AP2A2: variants seen among roughly 807,000 people sequenced by gnomAD.
AP2A2 encodes AP-2 complex subunit alpha-2.
AP2A2 carries 32 observed loss-of-function variants against 104.2 expected under a neutral mutation model. That is an observed-to-expected ratio of 0.31 (90% CI 0.23 to 0.41). The LOEUF (loss-of-function observed/expected upper bound fraction) is 0.41. Ranked by LOEUF, AP2A2 falls within the 10% of genes least tolerant of loss-of-function variation. AP2A2 has a pLI of 1.00. For missense variants in AP2A2, 912 were observed against 1,261.0 expected (o/e 0.72, Z 4.19); for synonymous variants, 539 against 533.3 (o/e 1.01, Z -0.15).
In AP2A2 at chr11:988,269, T is replaced by C. The variant is rs115494779; in HGVS notation, c.1132-283T>C. Among the ~76,000 whole-genome samples, 1,356 of 151,832 alleles carry C rather than the reference T, an allele frequency of 8.9e-3. 26 individuals carry two copies. The highest frequency in any genetic ancestry group is 0.031 in the African/African-American group (1,302 of 41,386). ...CGCTCAGTCCTAGCGAAGCTGGCCC[T>C]TGTGGAGGGCAAGGGAGGCATGGAC... On this transcript the variant is annotated intron_variant, in intron 9 of 21. Coordinates refer to ENST00000448903, the MANE Select transcript of AP2A2 (RefSeq NM_012305.4).
Position 1,009,378 on chromosome 11 carries a change from CAG to C in AP2A2, c.2590_2591del (p.Glu864SerfsTer15). Reference sequence around the variant, plus strand: ...TTCAAAGCAAAGCACCCAATGGACACAGAAGTCACCAAAGCCAAGGTAACACG... The same window carrying C: ...TTCAAAGCAAAGCACCCAATGGACACAAGTCACCAAAGCCAAGGTAACACG... On this transcript the variant is annotated frameshift_variant, in exon 20 of 22. Transcript: ENST00000448903. LOFTEE classifies it high-confidence loss of function. The C allele has an allele frequency of 6.2e-7, 1 of 1,613,508 alleles. No individual in the cohort carries two copies. The highest frequency in any genetic ancestry group is 8.5e-7 in the Non-Finnish European group (1 of 1,179,724).
At chr11:979,864 G>T (rs184108647) in intron 5 of AP2A2, among the ~76,000 whole-genome samples, 1 of 152,152 alleles carries the variant, frequency 6.6e-6, no homozygotes. Flanking sequence ...CCGTGCCCAC[G>T]CAAGTAGACA....
intron 1 of AP2A2, among the ~76,000 whole-genome samples, chr11:927,414 C>T (rs1398288378): frequency 6.6e-6 from 1 of 151,610 alleles, no homozygotes; most frequent in Non-Finnish European, 1.5e-5. Flanking sequence ...CCTTTGAATT[C>T]TCATCTCCTT....
chr11:963,236 A>C (rs1332482270), intron 2 of AP2A2, among the ~76,000 whole-genome samples: 1 of 152,044 alleles, frequency 6.6e-6, no homozygotes, highest in East Asian at 1.9e-4. Flanking sequence ...GACCAGCCTG[A>C]CCAACATGGT....
rs528656716 is a variant in AP2A2 at position 972,273 on chromosome 11, G to T, written c.473+18G>T. Reference sequence around the variant, plus strand: ...GTAGCCGGGTATGTGCCGGGCTCGTGCCGGGCTCCTGCTGAAGATGTGCTG... The same window carrying T: ...GTAGCCGGGTATGTGCCGGGCTCGTTCCGGGCTCCTGCTGAAGATGTGCTG... On this transcript the variant is annotated intron_variant, in intron 4 of 21. Transcript: ENST00000448903. 2 of 1,555,768 alleles carry T rather than the reference G, an allele frequency of 1.3e-6. No individual in the cohort carries two copies. Among genetic ancestry groups the T allele is most frequent in the African/African-American group, 1.4e-5 (1 of 73,590 alleles).
intron 1 of AP2A2, among the ~76,000 whole-genome samples, chr11:926,369 C>T (rs1403400664): frequency 2.4e-4 from 16 of 67,284 alleles, no homozygotes; most frequent in African/African-American, 7.3e-4. Flanking sequence ...GAGCGGGGCC[C>T]TGGGTCTGGG....
chr11:957,441 CG>C lies in AP2A2; in HGVS notation c.68-1992del, dbSNP rs35357677. ...CCTATCTGTGCGGCGTTCCTTCCCC[CG>C]GGGTGTGGGGCAGGGCCCCTTCAGA... On this transcript the variant is annotated intron_variant, in intron 1 of 21. Coordinates refer to ENST00000448903, the MANE Select transcript of AP2A2 (RefSeq NM_012305.4). 1.3e-3 allele frequency among the ~76,000 whole-genome samples: 193 copies of C among 152,350 alleles called. No individual in the cohort carries two copies. In the Middle Eastern group the frequency reaches 0.02, roughly 16 times the overall value.
intron 1 of AP2A2, among the ~76,000 whole-genome samples, chr11:950,417 T>A (rs970318025): frequency 6.6e-6 from 1 of 151,890 alleles, no homozygotes; most frequent in Non-Finnish European, 1.5e-5. Context: ...CAAGAGATTC[T>A]TCTGCCTCAG....
chr11:989,241 C>T (rs1855565754), intron 10 of AP2A2, among the ~76,000 whole-genome samples: 3 of 152,000 alleles, frequency 2.0e-5, no homozygotes, highest in African/African-American at 4.8e-5. Flanking sequence ...GCAGGAGAAT[C>T]GCTTGAACCC....
chr11:940,316 A>G (rs1186657587), intron 1 of AP2A2, among the ~76,000 whole-genome samples: 2 of 152,092 alleles, frequency 1.3e-5, no homozygotes, highest in Non-Finnish European at 2.9e-5. Flanking sequence ...TCAATCTGGA[A>G]ACTTATGTCT....
chr11:947,571 G>A (rs1853891289), intron 1 of AP2A2, among the ~76,000 whole-genome samples: 2 of 151,958 alleles, frequency 1.3e-5, no homozygotes, highest in African/African-American at 2.4e-5. Context: ...CGAGGTGGGC[G>A]GATCACTTGA....
intron 4 of AP2A2, among the ~76,000 whole-genome samples, chr11:974,229 G>C (rs1049813753): frequency 6.6e-6 from 1 of 150,942 alleles, no homozygotes; most frequent in Non-Finnish European, 1.5e-5. Flanking sequence ...CCCATGAAGG[G>C]AGTGGGTGGC....
intron 16 of AP2A2, among the ~76,000 whole-genome samples, chr11:1,005,130 G>A (rs1435607987): frequency 6.6e-6 from 1 of 152,204 alleles, no homozygotes; most frequent in Non-Finnish European, 1.5e-5. Context: ...GTGGTCTGTC[G>A]ACGCAGTGGA....
At chr11:988,406 A>G in intron 9 of AP2A2, 146 bp from the exon 10 acceptor site, 1 of 1,030,176 alleles carries the variant, frequency 9.7e-7, no homozygotes, top group Non-Finnish European at 1.4e-6. Flanking sequence ...ACGTGGCCCG[A>G]GTGCAGGTCG....
chr11:995,239 G>C, intron 14 of AP2A2: 1 of 452,022 alleles, frequency 2.2e-6, no homozygotes, highest in South Asian at 1.6e-5. Context: ...CCTGCTCTTC[G>C]AGGTTTTATG....
intron 3 of AP2A2, 97 bp from the exon 4 acceptor site, chr11:971,965 T>C: frequency 8.0e-7 from 1 of 1,256,316 alleles, no homozygotes. Flanking sequence ...CCTGGGCTGC[T>C]TCCGCATCTG....
Position 1,009,781 on chromosome 11 carries a change from A to T in AP2A2, c.2706A>T (p.Gly902=), listed in dbSNP as rs1856359266. 4 of 1,550,218 alleles carry T rather than the reference A, an allele frequency of 2.6e-6. No individual in the cohort carries two copies. In the South Asian group the frequency reaches 4.8e-5, roughly 18 times the overall value. ...GIIHTKTTQI[G]CLLRLEPNLQ... ...TCCACACGAAAACCACCCAGATTGG[A>T]TGCCTGCTGCGCTTGGAGCCGAACC... The change falls in exon 21 of 22, where the codon GGA becomes GGT. Residue 902 remains glycine (G), a synonymous_variant. Coordinates refer to ENST00000448903, the MANE Select transcript of AP2A2 (RefSeq NM_012305.4).
chr11:993,657 A>C lies in AP2A2; in HGVS notation c.1551-97A>C. 1 of 924,416 alleles carries C rather than the reference A, an allele frequency of 1.1e-6. No individual in the cohort carries two copies. The highest frequency in any genetic ancestry group is 1.6e-6 in the Non-Finnish European group (1 of 614,382). 57.3% of individuals were successfully genotyped at this position (924,416 alleles called of 1,614,324 possible). ...GGTCCCGACCAGCGGCCTCTGGTGC[A>C]GGCCAGGGGGTCTCGCCGCCGTCCC... On this transcript the variant is annotated intron_variant, in intron 12 of 21. Transcript: ENST00000448903. The surrounding 1 kb of genome is among the most constrained non-coding windows in gnomAD (Gnocchi z 8.2).
Position 1,011,106 on chromosome 11 carries a change from C to T in AP2A2, c.*481C>T, listed in dbSNP as rs1856414010. 5.1e-6 allele frequency: 3 copies of T among 588,430 alleles called. No homozygotes were observed. Among genetic ancestry groups the T allele is most frequent in the Non-Finnish European group, 9.8e-6 (3 of 305,782 alleles). The allele number at this position is 588,430 out of a possible 1,614,324, so 36.5% of individuals were successfully genotyped here. On this transcript the variant is annotated 3_prime_UTR_variant, in exon 22 of 22. Coordinates refer to ENST00000448903, the MANE Select transcript of AP2A2 (RefSeq NM_012305.4). The stretch of plus-strand genomic sequence containing the variant: ...GGGCCCTTGGGAGGAGCACAGCTGA[C>T]CCTGGTTTTGCTGCAGTCCCAGCTG...
Sources: gnomAD v4.1 joint callset for allele counts (sites outside exome capture counted in the v4.1 genomes callset) on GRCh38, gnomAD v4.1.1 for gene constraint, Gnocchi (gnomAD v3.1) non-coding constraint, MANE v1.5 for transcripts, NCBI Gene and HGNC (gene_info 2026-07-23, HGNC 2026-07-21) for gene names.